The following PDZD2 variants were observed in gnomAD, a reference collection of about 807,000 sequenced individuals.
PDZD2 encodes PDZ domain-containing protein 2.
A neutral mutation model predicts 220.7 loss-of-function variants in PDZD2; 90 were observed. The observed-to-expected ratio is 0.41, with a 90% CI of 0.34 to 0.49. PDZD2 has a LOEUF of 0.49. Ranked by LOEUF, PDZD2 falls within the 20% of genes least tolerant of loss-of-function variation. PDZD2 has a pLI of 0.28. For synonymous variants in PDZD2, 1,375 were observed against 1,450.5 expected, an observed-to-expected ratio of 0.95 and a Z score of 1.18; for missense variants, 3,174 against 3,608.5, an observed-to-expected ratio of 0.88 and a Z score of 3.08.
At position 32,089,294 on chromosome 5, in the gene PDZD2, C is replaced by G. The variant is rs1742839433; in HGVS notation, c.5846C>G (p.Ala1949Gly). 3 of 1,614,016 alleles carry G rather than the reference C, an allele frequency of 1.9e-6. 1 individual carries two copies. The South Asian group carries it at 3.3e-5, about 18-fold the overall frequency. ...DHEDPDRNTTAAPRSPQCVLE... is the reference protein window; with the variant it reads ...DHEDPDRNTTGAPRSPQCVLE... ...GAGGACCCTGACAGAAACACCACAG[C>G]TGCCCCCAGGTCCCCCCAGTGTGTG... The change falls in exon 20 of 25, where the codon GCT becomes GGT. Residue 1949 changes from alanine to glycine, a missense_variant. By Grantham distance (60) the Ala-to-Gly change is moderately conservative. This residue lies in a region of PDZD2 where 1,861 missense variants were observed against 2,001.0 expected (regional missense o/e 0.93). Transcript: ENST00000438447.
In PDZD2 at chr5:32,090,270, A is replaced by T. The variant is rs765319346; in HGVS notation, c.6822A>T (p.Gly2274=). ...SRGGLPSLAN[G]QGIYSVKPLL... ...GTGGTCTTCCCAGCCTGGCTAATGG[A>T]CAGGGCATATATAGTGTAAAGCCGC... The change falls in exon 20 of 25, where the codon GGA becomes GGT. Residue 2274 remains glycine, a synonymous_variant. Transcript: ENST00000438447. The surrounding 1 kb of genome is among the most constrained non-coding windows in gnomAD (Gnocchi z 4.3). 11 of 1,614,190 alleles carry T rather than the reference A, an allele frequency of 6.8e-6. No homozygotes were observed. The highest frequency in any genetic ancestry group is 9.3e-6 in the Non-Finnish European group (11 of 1,180,008).
At chr5:31,691,164 G>C (rs951686364) in intron 1 of PDZD2, among the ~76,000 whole-genome samples, 2 of 152,174 alleles carry the variant, frequency 1.3e-5, no homozygotes, top group Non-Finnish European at 2.9e-5. Flanking sequence ...TCTTCCTTCT[G>C]GTGGGTTCGT....
intron 2 of PDZD2, among the ~76,000 whole-genome samples, chr5:31,854,758 C>G (rs935788112): frequency 3.3e-5 from 5 of 152,128 alleles, no homozygotes; most frequent in African/African-American, 1.2e-4. Flanking sequence ...CTGAAATCCT[C>G]CCCAGGGCGG....
chr5:32,014,936 T>A (rs12658552), intron 6 of PDZD2, among the ~76,000 whole-genome samples: 1 of 116,244 alleles, frequency 8.6e-6, no homozygotes, highest in African/African-American at 3.6e-5. Flanking sequence ...TCTCAATCTC[T>A]CTCTTTTTTT....
At chr5:31,717,007 T>C (rs1285274289) in intron 1 of PDZD2, among the ~76,000 whole-genome samples, 1 of 151,852 alleles carries the variant, frequency 6.6e-6, no homozygotes, top group Non-Finnish European at 1.5e-5. Flanking sequence ...ATATGAAAGG[T>C]GTACAAAGGT....
chr5:31,669,921 A>G (rs1746150532), intron 1 of PDZD2, among the ~76,000 whole-genome samples: 1 of 152,198 alleles, frequency 6.6e-6, no homozygotes. Context: ...AGCCAGGACT[A>G]TACTAAACCT....
chr5:32,053,509 T>C (rs1561459275), intron 9 of PDZD2, among the ~76,000 whole-genome samples: 1 of 152,244 alleles, frequency 6.6e-6, no homozygotes, highest in East Asian at 1.9e-4. Flanking sequence ...CAATTTGGTA[T>C]GTTTCTGCCT....
chr5:32,102,460 G>C (rs1395415081), intron 24 of PDZD2, among the ~76,000 whole-genome samples: 1 of 151,374 alleles, frequency 6.6e-6, no homozygotes, highest in Non-Finnish European at 1.5e-5. Context: ...CCAACGCCCG[G>C]AGCAAGCAGA....
In PDZD2 at chr5:32,087,118, G is replaced by A. The variant is rs375493658; in HGVS notation, c.3683-13G>A. The A allele has an allele frequency of 1.5e-5, 23 of 1,537,120 alleles. No homozygotes were observed. Among genetic ancestry groups the A allele is most frequent in the South Asian group, 4.6e-5 (4 of 87,726 alleles). On this transcript the variant is annotated splice_polypyrimidine_tract_variant and intron_variant, in intron 19 of 24. Coordinates refer to ENST00000438447, the MANE Select transcript of PDZD2 (RefSeq NM_178140.4). This position sits in a 1 kb window ranked among gnomAD's most constrained non-coding sequence, Gnocchi z 4.0. The stretch of plus-strand genomic sequence containing the variant: ...TCCTGTGTATGTACCTTCTGTTTAC[G>A]TTCCCCACGTAGAACTGGACAGCTC...
intron 6 of PDZD2, among the ~76,000 whole-genome samples, chr5:32,028,419 C>T (rs1754845523): frequency 6.6e-6 from 1 of 152,180 alleles, no homozygotes; most frequent in African/African-American, 2.4e-5. Flanking sequence ...TGGTATTTCT[C>T]ATCCAAAATT....
At chr5:31,785,883 G>A (rs1286317828) in intron 1 of PDZD2, among the ~76,000 whole-genome samples, 2 of 151,880 alleles carry the variant, frequency 1.3e-5, no homozygotes, top group Admixed American at 6.6e-5. Context: ...GCTATCTCAC[G>A]TCTTCTTACA....
intron 2 of PDZD2, among the ~76,000 whole-genome samples, chr5:31,824,222 A>G (rs1756074720): frequency 6.6e-6 from 1 of 152,338 alleles, no homozygotes; most frequent in South Asian, 2.1e-4. Context: ...GATTGTTGGC[A>G]GCTCCAGTCA....
chr5:31,983,746 C>A, intron 3 of PDZD2, 90 bp downstream of exon 3: 1 of 1,314,410 alleles, frequency 7.6e-7, no homozygotes, highest in Non-Finnish European at 1.1e-6. Flanking sequence ...GAAATACAAG[C>A]TGGGCTCAGA....
At chr5:31,679,768 C>A (rs1436009980) in intron 1 of PDZD2, among the ~76,000 whole-genome samples, 1 of 152,176 alleles carries the variant, frequency 6.6e-6, no homozygotes, top group East Asian at 1.9e-4. Flanking sequence ...CCTCAGCCTC[C>A]CAAAAGTGCT....
At chr5:31,882,735 G>T (rs6450870) in intron 2 of PDZD2, among the ~76,000 whole-genome samples, 1 of 151,830 alleles carries the variant, frequency 6.6e-6, no homozygotes, top group East Asian at 1.9e-4. Context: ...CAATTTAAAA[G>T]GCCCAGGTCT....
intron 1 of PDZD2, among the ~76,000 whole-genome samples, chr5:31,712,678 G>A (rs961452966): frequency 3.9e-5 from 6 of 152,104 alleles, no homozygotes; most frequent in Admixed American, 2.0e-4. Context: ...TCCATTGGCC[G>A]AGCAGTCACA....
rs186473950 is a variant in PDZD2, at chr5:32,041,443, T to C, written c.1519+4101T>C. Among the ~76,000 whole-genome samples, 115 of 152,094 alleles carry C rather than the reference T, an allele frequency of 7.6e-4. 1 individual carries two copies. In the East Asian group the frequency reaches 0.019, roughly 25 times the overall value. ...GAAAAGAGAGATCAGATTTTTACTG[T>C]GTCTGTGTAGAAAGAAGTAGACATA... On this transcript the variant is annotated intron_variant, in intron 7 of 24. Coordinates refer to ENST00000438447, the MANE Select transcript of PDZD2 (RefSeq NM_178140.4).
intron 2 of PDZD2, among the ~76,000 whole-genome samples, chr5:31,846,080 A>G (rs1411499212): frequency 1.3e-5 from 2 of 152,080 alleles, no homozygotes; most frequent in Non-Finnish European, 2.9e-5. Context: ...ACTATGTCAA[A>G]TGGTTCAGCC....
At chr5:31,932,028 G>A (rs1386953067) in intron 2 of PDZD2, among the ~76,000 whole-genome samples, 4 of 152,150 alleles carry the variant, frequency 2.6e-5, no homozygotes, top group Admixed American at 6.5e-5. Flanking sequence ...TTCCCCATCA[G>A]TGCTGACATT....
Sources: allele counts gnomAD v4.1 joint callset (sites outside exome capture counted in the v4.1 genomes callset), GRCh38; gene constraint gnomAD v4.1.1; regional missense constraint gnomAD v4.1.1; non-coding constraint Gnocchi (gnomAD v3.1); transcripts MANE v1.5; gene names NCBI Gene and HGNC (gene_info 2026-07-23, HGNC 2026-07-21).